SLC39A8: variants seen among roughly 807,000 people sequenced by gnomAD.
SLC39A8 encodes solute carrier family 39 member 8, also known as metal cation symporter ZIP8.
A neutral mutation model predicts 40.4 loss-of-function variants in SLC39A8; 15 were observed. The ratio of observed to expected loss-of-function variants is 0.37; its 90% CI spans 0.25 to 0.57. The LOEUF (loss-of-function observed/expected upper bound fraction) is 0.57, where lower values mean the gene tolerates loss of function less well. SLC39A8 is among the 20% of genes least tolerant of loss of function. SLC39A8 has a pLI of 0.75. For missense variants in SLC39A8, 472 were observed against 558.8 expected (o/e 0.84, Z 1.57); for synonymous variants, 223 against 221.6 (o/e 1.01, Z -0.06).
In SLC39A8 at chr4:102,315,723, G is replaced by T; in HGVS notation, c.327C>A (p.Asn109Lys). ...TGGGCCGATCCTCACATGGGTGAAA[G>T]TTCAATTGCTGTAAGACTGCTGGAC... ...VICPAVLQQL[N>K]FHPCEDRPKH... Residue 109 changes from asparagine to lysine, a missense_variant, in exon 3 of 9, where the codon AAC (asparagine) becomes AAA (lysine). Physicochemically the swap from Asn to Lys is moderately conservative, Grantham distance 94. Coordinates refer to ENST00000356736, the MANE Select transcript of SLC39A8 (RefSeq NM_001135146.2). The T allele has an allele frequency of 6.2e-7, 1 of 1,613,214 alleles. No homozygotes were observed. Among genetic ancestry groups the T allele is most frequent in the South Asian group, 1.1e-5 (1 of 90,954 alleles).
intron 6 of SLC39A8, among the ~76,000 whole-genome samples, chr4:102,270,311 A>G (rs1048785838): frequency 1.3e-5 from 2 of 152,194 alleles, no homozygotes; most frequent in African/African-American, 4.8e-5. Context: ...TACAGATATT[A>G]TTGACTCTAT....
At chr4:102,315,534 A>C in intron 3 of SLC39A8, 134 bp downstream of exon 3, 1 of 647,276 alleles carries the variant, frequency 1.5e-6, no homozygotes, top group African/African-American at 1.9e-5. Flanking sequence ...ATACTTTCAA[A>C]ATATAAGTAT....
intron 6 of SLC39A8, among the ~76,000 whole-genome samples, chr4:102,278,792 C>T (rs529031536): frequency 7.6e-4 from 115 of 152,168 alleles, no homozygotes; most frequent in African/African-American, 2.5e-3. Context: ...GTATACACCA[C>T]GGAATACTAT....
chr4:102,335,838 G>T (rs1735642014), intron 2 of SLC39A8, among the ~76,000 whole-genome samples: 1 of 152,122 alleles, frequency 6.6e-6, no homozygotes, highest in Non-Finnish European at 1.5e-5. Context: ...GAAATCAAAG[G>T]CACTGGACTG....
chr4:102,344,525 C>A lies in SLC39A8; in HGVS notation c.138G>T (p.Ala46=), dbSNP rs1040218235. 3.8e-6 allele frequency: 6 copies of A among 1,558,908 alleles called. No individual in the cohort carries two copies. The highest frequency in any genetic ancestry group is 5.2e-6 in the Non-Finnish European group (6 of 1,151,764). Residue 46 remains alanine, a synonymous_variant, in exon 2 of 9, where the codon GCG becomes GCT. Transcript: ENST00000356736. ...TCTGCTCCAGCAAGTGCTGGAGCTG[C>A]GCCGCCGACAGGCTCAGATTCGCGC... ...VFGANLSLSA[A]QLQHLLEQMG...
chr4:102,254,426 A>G (rs1158356901), intron 11 of SLC39A8, among the ~76,000 whole-genome samples: 1 of 152,226 alleles, frequency 6.6e-6, no homozygotes, highest in Non-Finnish European at 1.5e-5. Flanking sequence ...ATTCTCTACC[A>G]TAGTTCCCTA....
At chr4:102,326,297 C>G (rs1357149547) in intron 2 of SLC39A8, among the ~76,000 whole-genome samples, 1 of 152,202 alleles carries the variant, frequency 6.6e-6, no homozygotes, top group African/African-American at 2.4e-5. Flanking sequence ...TGCGGTGGCT[C>G]ACGCCTGTAA....
At chr4:102,314,689 G>A (rs1734582554) in intron 3 of SLC39A8, among the ~76,000 whole-genome samples, 1 of 152,060 alleles carries the variant, frequency 6.6e-6, no homozygotes, top group Non-Finnish European at 1.5e-5. Flanking sequence ...CTTCTGCTCA[G>A]ATGATACCTC....
chr4:102,327,670 G>T lies in SLC39A8; in HGVS notation c.220-11840C>A, dbSNP rs1735278932. The stretch of plus-strand genomic sequence containing the variant: ...CAATAAGATCATAAAAATCTACAGA[G>T]AATGGACTTCTTCCTTTTTATATCT... On this transcript the variant is annotated intron_variant, in intron 2 of 8. Coordinates refer to ENST00000356736, the MANE Select transcript of SLC39A8 (RefSeq NM_001135146.2). Among the ~76,000 whole-genome samples, 3 of 152,184 alleles carry T rather than the reference G, an allele frequency of 2.0e-5. 1 individual carries two copies. The highest frequency in any genetic ancestry group is 7.2e-5 in the African/African-American group (3 of 41,428).
At chr4:102,251,136 G>A (rs1226177245) in exon 12 of SLC39A8, 1 of 152,190 alleles carries the variant, frequency 6.6e-6, no homozygotes, top group Non-Finnish European at 1.5e-5. Context: ...TATATGTGAT[G>A]CATATAATGT....
At chr4:102,272,594 A>T (rs536602078) in intron 6 of SLC39A8, among the ~76,000 whole-genome samples, 1 of 152,150 alleles carries the variant, frequency 6.6e-6, no homozygotes, top group Non-Finnish European at 1.5e-5. Context: ...AAATAAATAA[A>T]CAGATAAATA....
intron 2 of SLC39A8, among the ~76,000 whole-genome samples, chr4:102,336,364 T>G (rs1288997140): frequency 6.6e-6 from 1 of 152,236 alleles, no homozygotes; most frequent in East Asian, 1.9e-4. Context: ...AGCGCAAGCT[T>G]GCCTGACTCC....
intron 2 of SLC39A8, among the ~76,000 whole-genome samples, chr4:102,334,221 C>T (rs148239652): frequency 1.2e-4 from 19 of 152,222 alleles, no homozygotes; most frequent in Admixed American, 1.0e-3. Flanking sequence ...GTCAGAGCAC[C>T]GTGGCCTTGC....
chr4:102,302,455 C>T (rs1284979540), intron 6 of SLC39A8, among the ~76,000 whole-genome samples: 1 of 151,988 alleles, frequency 6.6e-6, no homozygotes, highest in African/African-American at 2.4e-5. Flanking sequence ...AACTACTATT[C>T]TTTAGGCTTT....
chr4:102,297,962 T>C (rs536572794), intron 6 of SLC39A8, among the ~76,000 whole-genome samples: 6 of 151,730 alleles, frequency 4.0e-5, no homozygotes, highest in African/African-American at 1.4e-4. Context: ...ACAGGAAAGA[T>C]GAGAATATTT....
In SLC39A8 at chr4:102,297,117, C is replaced by G. The variant is rs114660430; in HGVS notation, c.840+7200G>C. Among the ~76,000 whole-genome samples the G allele has an allele frequency of 5.5e-3, 838 of 152,206 alleles. 6 individuals are homozygous for G. The highest frequency in any genetic ancestry group is 0.015 in the African/African-American group (610 of 41,560). The stretch of plus-strand genomic sequence containing the variant: ...AATATCACATGCTGCCTAGAACAAC[C>G]ACTTACATTATTCTAAAAATGTTCA... On this transcript the variant is annotated intron_variant, in intron 6 of 8. Coordinates refer to ENST00000356736, the MANE Select transcript of SLC39A8 (RefSeq NM_001135146.2).
At chr4:102,259,021 A>G (rs941480870), downstream of SLC39A8, among the ~76,000 whole-genome samples, 5 of 151,980 alleles carry the variant, frequency 3.3e-5, no homozygotes, top group African/African-American at 9.7e-5. Context: ...GGTAGCAACA[A>G]CTCTCCTCAC....
chr4:102,303,603 G>A (rs2149032483), intron 6 of SLC39A8, among the ~76,000 whole-genome samples: 1 of 151,894 alleles, frequency 6.6e-6, no homozygotes, highest in South Asian at 2.1e-4. Context: ...AGTCCTAGGG[G>A]TTCTAATGTT....
chr4:102,288,501 C>A (rs1176802821), intron 6 of SLC39A8, among the ~76,000 whole-genome samples: 1 of 152,046 alleles, frequency 6.6e-6, no homozygotes, highest in Non-Finnish European at 1.5e-5. Context: ...GCATGTCTCT[C>A]ACTTAAAATC....
Sources: allele counts gnomAD v4.1 joint callset (sites outside exome capture counted in the v4.1 genomes callset), GRCh38; gene constraint gnomAD v4.1.1; transcripts MANE v1.5; gene names NCBI Gene and HGNC (gene_info 2026-07-23, HGNC 2026-07-21).